Variants in LZTR1 observed in about 807,000 individuals in gnomAD.
The protein encoded by LZTR1 is leucine zipper like post translational regulator 1.
Under a neutral mutation model 105.7 loss-of-function variants are expected in LZTR1, and 260 were observed. The ratio of observed to expected loss-of-function variants is 2.46; its 90% CI spans 2.22 to 2.72. The LOEUF is 2.72. Among genes scored for constraint, LZTR1 ranks in the 30% most tolerant of loss-of-function variants. LZTR1 has a pLI of 0.00. For missense variants in LZTR1, 1,214 were observed against 1,166.9 expected, an observed-to-expected ratio of 1.04 and a Z score of -0.59; for synonymous variants, 490 against 476.4, an observed-to-expected ratio of 1.03 and a Z score of -0.37.
At position 20,994,985 on chromosome 22, in the gene LZTR1, A is replaced by C. The variant is rs770312150; in HGVS notation, c.1901A>C (p.Gln634Pro). Residue 634 changes from glutamine to proline, a missense_variant, in exon 16 of 21, where the codon CAG (glutamine) becomes CCG (proline). Transcript: ENST00000646124. ...LIVEIVRRKQ[Q>P]PPPRTPLDQP... ...GTGGAGATTGTGCGGCGGAAGCAGC[A>C]GCCGCCCCCTCGCACTCCCTTGGAC... 2.7e-5 allele frequency: 43 copies of C among 1,612,914 alleles called. No homozygotes were observed. In the South Asian group the frequency reaches 4.3e-4, roughly 16 times the overall value.
At chr22:20,986,974 G>T (rs1363160065) in intron 3 of LZTR1, 4 of 152,458 alleles carry the variant, frequency 2.6e-5, no homozygotes, top group Non-Finnish European at 5.9e-5. Flanking sequence ...AGACCTCAAG[G>T]TGTTGCCAGA....
chr22:20,990,570 C>T (rs1242839756), intron 8 of LZTR1, 45 bp downstream of exon 8: 1 of 1,561,710 alleles, frequency 6.4e-7, no homozygotes, highest in Non-Finnish European at 8.7e-7. Context: ...GGTCAGTTCC[C>T]TCGAATCCTT....
rs977870350 is a variant in LZTR1, at chr22:20,995,545, T to G, written c.1943-201T>G. 1.1e-5 allele frequency: 8 copies of G among 734,536 alleles called. No individual in the cohort carries two copies. In the African/African-American group the frequency reaches 1.4e-4, roughly 13 times the overall value. 45.5% of individuals were successfully genotyped at this position (734,536 alleles called of 1,614,324 possible). A position where few individuals can be genotyped will look rare whatever the true frequency, so the allele number is the denominator to read the frequency against. ...GAGACGCTGGGTGGTGGGCTGTGCG[T>G]GGGGCATAGTGCTTGAGTCGGCCAG... On this transcript the variant is annotated intron_variant, in intron 16 of 20. Coordinates refer to ENST00000646124, the MANE Select transcript of LZTR1 (RefSeq NM_006767.4).
At chr22:20,994,781 G>A (rs1349696411) in intron 15 of LZTR1, 54 bp downstream of exon 15, 4 of 1,607,668 alleles carry the variant, frequency 2.5e-6, no homozygotes, top group East Asian at 4.5e-5. Context: ...TCAGGCTTAG[G>A]CCCCCTCCCT....
At position 20,995,905 on chromosome 22, in the gene LZTR1, G is replaced by C. The variant is rs767733325; in HGVS notation, c.2069+33G>C. 6.2e-6 allele frequency: 10 copies of C among 1,613,030 alleles called. No homozygotes were observed. The South Asian group carries it at 8.8e-5, about 14-fold the overall frequency. ...GGGGCTGGACAGGAGGGGAGGGTGG[G>C]CCTGGATGGTGTCTTCGTTCTGCTG... On this transcript the variant is annotated intron_variant, in intron 17 of 20. Transcript: ENST00000646124.
intron 2 of LZTR1, among the ~76,000 whole-genome samples, chr22:20,985,364 GTC>G (rs1198102631): frequency 6.6e-6 from 1 of 152,048 alleles, no homozygotes; most frequent in African/African-American, 2.4e-5. Context: ...CCAGCCCATT[GTC>G]TCTATTTCTT....
In LZTR1 at chr22:20,996,771, G is replaced by C. The variant is rs1175579360; in HGVS notation, c.2295G>C (p.Glu765Asp). 1 of 1,613,526 alleles carries C rather than the reference G, an allele frequency of 6.2e-7. No homozygotes were observed. Among genetic ancestry groups the C allele is most frequent in the Non-Finnish European group, 8.5e-7 (1 of 1,180,018 alleles). Residue 765 changes from glutamate to aspartate, a missense_variant, in exon 19 of 21, where the codon GAG becomes GAC. Physicochemically the swap from Glu to Asp is conservative, Grantham distance 45 (BLOSUM62 2). Coordinates refer to ENST00000646124, the MANE Select transcript of LZTR1 (RefSeq NM_006767.4). ...RLQAYCKQNL[E>D]MNVTVQNVLQ... ...AGGCGTACTGCAAGCAGAACCTGGAGATGAACGTGACGGTGCAGAACGTGC... is the reference window on the plus strand; with the variant it reads ...AGGCGTACTGCAAGCAGAACCTGGACATGAACGTGACGGTGCAGAACGTGC...
At chr22:20,993,367 G>C in intron 11 of LZTR1, 1 of 529,706 alleles carries the variant, frequency 1.9e-6, no homozygotes, top group South Asian at 2.3e-5. Flanking sequence ...GGTCCAGGCA[G>C]AGTGGAGACG....
chr22:20,994,474 C>A, intron 14 of LZTR1, 84 bp from the exon 15 acceptor site: 1 of 1,465,788 alleles, frequency 6.8e-7, no homozygotes, highest in Non-Finnish European at 9.3e-7. Flanking sequence ...CCCCAGCCCA[C>A]ACTCTTCCAT....
At chr22:20,987,705 T>C in intron 4 of LZTR1, 122 bp downstream of exon 4, 1 of 900,772 alleles carries the variant, frequency 1.1e-6, no homozygotes, top group South Asian at 1.4e-5. Flanking sequence ...TCTCCACCCG[T>C]GGCTTTGTCT....
At position 20,994,150 on chromosome 22, in the gene LZTR1, T is replaced by C. The variant is rs1924717650; in HGVS notation, c.1496T>C (p.Val499Ala). ...CCAGTTCCCAGGGAGGCCCCCGGCG[T>C]GGCTGCTGGTGGGGCCCGGCCGCCC... is the stretch of plus-strand genomic sequence containing the variant. ...AAPVPREAPG[V>A]AAGGARPPLL... Residue 499 changes from valine (V) to alanine (A), a missense_variant, in exon 14 of 21, where the codon GTG becomes GCG. Transcript: ENST00000646124. The C allele has an allele frequency of 1.3e-6, 2 of 1,595,128 alleles. No homozygotes were observed. Among genetic ancestry groups the C allele is most frequent in the East Asian group, 4.5e-5 (2 of 44,046 alleles).
At chr22:20,990,593 A>C (rs1364146198) in intron 8 of LZTR1, 68 bp downstream of exon 8, 1 of 1,500,612 alleles carries the variant, frequency 6.7e-7, no homozygotes, top group East Asian at 2.3e-5. Flanking sequence ...GAATATGAAG[A>C]ACGCCTCTTG....
Position 20,991,688 on chromosome 22 carries a change from C to T in LZTR1, c.852C>T (p.Arg284=). ...LRGSPPPPQR[R]YGHTMVAFDR... is the part of the protein sequence containing the mutation. ...GCTCCCCACCACCCCCGCAGCGGCG[C>T]TACGGGCATACCATGGTGGCCTTTG... is the stretch of plus-strand genomic sequence containing the variant. Residue 284 remains arginine (R), a synonymous_variant, in exon 9 of 21, where the codon CGC becomes CGT. Coordinates refer to ENST00000646124, the MANE Select transcript of LZTR1 (RefSeq NM_006767.4). 1 of 1,603,964 alleles carries T rather than the reference C, an allele frequency of 6.2e-7. No individual in the cohort carries two copies.
At position 20,983,015 on chromosome 22, in the gene LZTR1, C is replaced by G; in HGVS notation, c.201-12C>G. ...GTCCTGTCCTTACCGCCCTCCACTCCTTTCTTTCCAGGCGCAGCAAGCACA... is the reference window on the plus strand; with the variant it reads ...GTCCTGTCCTTACCGCCCTCCACTCGTTTCTTTCCAGGCGCAGCAAGCACA... On this transcript the variant is annotated splice_polypyrimidine_tract_variant and intron_variant, in intron 1 of 20. Coordinates refer to ENST00000646124, the MANE Select transcript of LZTR1 (RefSeq NM_006767.4). 1.9e-6 allele frequency: 3 copies of G among 1,613,886 alleles called. No individual in the cohort carries two copies. The highest frequency in any genetic ancestry group is 2.5e-6 in the Non-Finnish European group (3 of 1,179,768).
In LZTR1 at chr22:20,996,848, G is replaced by A. The variant is rs201079663; in HGVS notation, c.2326-38G>A. 5.0e-4 allele frequency: 806 copies of A among 1,612,596 alleles called. 3 individuals are homozygous for A. The Middle Eastern group carries it at 0.01, about 20-fold the overall frequency. The stretch of plus-strand genomic sequence containing the variant: ...CATGGCTGCAGCTCCCACTGAGTGG[G>A]TGAAAGGGGCAGCGCCTCAAGGTCC... On this transcript the variant is annotated intron_variant, in intron 19 of 20. Coordinates refer to ENST00000646124, the MANE Select transcript of LZTR1 (RefSeq NM_006767.4).
chr22:20,997,420 C>A lies in LZTR1; in HGVS notation c.*72C>A. 2 of 1,142,950 alleles carry A rather than the reference C, an allele frequency of 1.7e-6. No individual in the cohort carries two copies. The highest frequency in any genetic ancestry group is 2.6e-6 in the Non-Finnish European group (2 of 757,022). The allele number at this position is 1,142,950 out of a possible 1,614,324, so 70.8% of individuals were successfully genotyped here. ...CCCTGCCTACTGAGAAGACTACCGG[C>A]TATGCGCATGCCTATGGCAGTGGGT... On this transcript the variant is annotated 3_prime_UTR_variant, in exon 21 of 21. Transcript: ENST00000646124.
rs1275511136 is a variant in LZTR1, at chr22:20,997,287, T to G, written c.2462T>G (p.Ile821Arg). 2 of 1,613,854 alleles carry G rather than the reference T, an allele frequency of 1.2e-6. No homozygotes were observed. The highest frequency in any genetic ancestry group is 1.7e-6 in the Non-Finnish European group (2 of 1,179,982). The change falls in exon 21 of 21, where the codon ATA (isoleucine) becomes AGA (arginine). Residue 821 changes from isoleucine (I) to arginine (R), a missense_variant. Coordinates refer to ENST00000646124, the MANE Select transcript of LZTR1 (RefSeq NM_006767.4). ...SLSQQLLLDI[I>R]DSLASHISDK... ...AGCCAGCAGCTGCTGCTGGACATCA[T>G]AGACTCCCTGGCCTCCCACATCTCA...
intron 5 of LZTR1, 114 bp from the exon 6 acceptor site, chr22:20,988,675 G>A (rs753311260): frequency 8.3e-5 from 61 of 731,848 alleles, no homozygotes; most frequent in Non-Finnish European, 1.4e-4. Context: ...CCCCAGTGTC[G>A]GGTGGATGTA....
chr22:20,992,837 A>T lies in LZTR1; in HGVS notation c.1193A>T (p.Asp398Val). 6.2e-7 allele frequency: 1 copy of T among 1,609,546 alleles called. No homozygotes were observed. The highest frequency in any genetic ancestry group is 8.5e-7 in the Non-Finnish European group (1 of 1,178,150). Residue 398 changes from aspartate to valine, a missense_variant, in exon 11 of 21, where the codon GAC (aspartate) becomes GTC (valine). Coordinates refer to ENST00000646124, the MANE Select transcript of LZTR1 (RefSeq NM_006767.4). ...TTCCACGCGGCTGCTGTCATCTCGG[A>T]CGCCATGTACATCTTCGGGGGCACG... is the stretch of plus-strand genomic sequence containing the variant. Reference protein sequence around the residue: ...RLFHAAAVISDAMYIFGGTVD... With the variant: ...RLFHAAAVISVAMYIFGGTVD...
Sources: allele counts gnomAD v4.1 joint callset (sites outside exome capture counted in the v4.1 genomes callset), GRCh38; gene constraint gnomAD v4.1.1; transcripts MANE v1.5; gene names NCBI Gene and HGNC (gene_info 2026-07-23, HGNC 2026-07-21).